The following ZSCAN2 variants were observed in gnomAD, a reference collection of about 807,000 sequenced individuals.
The protein encoded by ZSCAN2 is zinc finger and SCAN domain containing 2.
Under a neutral mutation model 47.8 loss-of-function variants are expected in ZSCAN2, and 26 were observed. The ratio of observed to expected loss-of-function variants is 0.54; its 90% CI spans 0.40 to 0.75. ZSCAN2 has a LOEUF of 0.75. ZSCAN2 is among the 30% of genes least tolerant of loss of function. The pLI is 0.00. For missense variants in ZSCAN2, 732 were observed against 785.4 expected (o/e 0.93, Z 0.81); for synonymous variants, 305 against 288.7 (o/e 1.06, Z -0.57).
chr15:84,609,591 T>A (rs991725535), intron 2 of ZSCAN2, among the ~76,000 whole-genome samples: 9 of 152,226 alleles, frequency 5.9e-5, no homozygotes, highest in Non-Finnish European at 8.8e-5. Flanking sequence ...TTCATGTATT[T>A]CACCTGATAA....
rs754901664 is a variant in ZSCAN2, at chr15:84,604,015, G to T, written c.88G>T (p.Val30Phe). The T allele has an allele frequency of 6.8e-6, 11 of 1,614,080 alleles. No individual in the cohort carries two copies. The highest frequency in any genetic ancestry group is 9.3e-6 in the Non-Finnish European group (11 of 1,180,018). The change falls in exon 2 of 3, where the codon GTC becomes TTC. Residue 30 changes from valine (V) to phenylalanine (F), a missense_variant. This residue lies in a region of ZSCAN2 where 320 missense variants were observed against 287.4 expected (regional missense o/e 1.11). Transcript: ENST00000546148. ...AGAGGAAGATAGACAGGAGGAGGAG[G>T]TCACCACCATGATCCTGGAGGATGA... ...PQEEDRQEEEVTTMILEDDSW... is the reference protein window; with the variant it reads ...PQEEDRQEEEFTTMILEDDSW...
At chr15:84,613,265 TTTTG>T (rs1321350960) in intron 2 of ZSCAN2, among the ~76,000 whole-genome samples, 1 of 152,236 alleles carries the variant, frequency 6.6e-6, no homozygotes, top group African/African-American at 2.4e-5. Flanking sequence ...GGAGTTTTTA[TTTTG>T]TTTATTTGGT....
At chr15:84,607,061 C>G (rs145583220) in intron 2 of ZSCAN2, among the ~76,000 whole-genome samples, 1 of 152,268 alleles carries the variant, frequency 6.6e-6, no homozygotes, top group Admixed American at 6.5e-5. Flanking sequence ...CTGACAGGAA[C>G]CTCTGGGCAC....
intron 2 of ZSCAN2, 71 bp from the exon 3 acceptor site, chr15:84,620,531 C>T: frequency 5.3e-6 from 7 of 1,331,750 alleles, no homozygotes; most frequent in South Asian, 4.4e-5. Flanking sequence ...TATAAATTTC[C>T]CCCTTCGTTT....
At chr15:84,605,961 G>C (rs1192356610) in intron 2 of ZSCAN2, among the ~76,000 whole-genome samples, 1 of 152,226 alleles carries the variant, frequency 6.6e-6, no homozygotes, top group Non-Finnish European at 1.5e-5. Context: ...ATGTGCCTTT[G>C]TACCAGGCAG....
chr15:84,620,767 G>A lies in ZSCAN2; in HGVS notation c.572G>A (p.Ser191Asn), dbSNP rs2044502. ...GGCATCCAGAGGCTCCAGGGACACA[G>A]CCCAGGTGAGGACCACGGGGAGGTG... ...DAGIQRLQGH[S>N]PGEDHGEVVS... The change falls in exon 3 of 3, where the codon AGC (serine) becomes AAC (asparagine). Residue 191 changes from serine (S) to asparagine (N), a missense_variant. By Grantham distance (46) the Ser-to-Asn change is conservative (BLOSUM62 1). Transcript: ENST00000546148. 2 of 1,614,000 alleles carry A rather than the reference G, an allele frequency of 1.2e-6. No homozygotes were observed. Among genetic ancestry groups the A allele is most frequent in the Non-Finnish European group, 8.5e-7 (1 of 1,180,034 alleles).
rs1895794280 is a variant in ZSCAN2, at chr15:84,620,660, A to C, written c.465A>C (p.Glu155Asp). ...GTAATCAAGACATGTTTGAGAATGA[A>C]TCACGTAAGATATTCTCGGAAATGC... ...ENCNQDMFEN[E>D]SRKIFSEMPE... is the part of the protein sequence containing the mutation. Residue 155 changes from glutamate (E) to aspartate (D), a missense_variant, in exon 3 of 3, where the codon GAA (glutamate) becomes GAC (aspartate). Glu to Asp is a conservative substitution (Grantham distance 45). Transcript: ENST00000546148. 15 of 1,613,938 alleles carry C rather than the reference A, an allele frequency of 9.3e-6. No homozygotes were observed. In the East Asian group the frequency reaches 3.3e-4, roughly 36 times the overall value.
intron 2 of ZSCAN2, among the ~76,000 whole-genome samples, chr15:84,604,894 C>A (rs757912689): frequency 6.6e-6 from 1 of 151,968 alleles, no homozygotes; most frequent in Non-Finnish European, 1.5e-5. Flanking sequence ...TGCGCCACCA[C>A]GCCCGGCTAA....
At position 84,617,056 on chromosome 15, in the gene ZSCAN2, A is replaced by G. The variant is rs993920955; in HGVS notation, c.407-3546A>G. ...AGAATTGCTTGAACCCGGGGAACAGAGGTTGCGGGGAGCCAGGATCGCGCC... is the reference window on the plus strand; with the variant it reads ...AGAATTGCTTGAACCCGGGGAACAGGGGTTGCGGGGAGCCAGGATCGCGCC... On this transcript the variant is annotated intron_variant, in intron 2 of 2. Coordinates refer to ENST00000546148, the MANE Select transcript of ZSCAN2 (RefSeq NM_181877.4). 2.6e-4 allele frequency among the ~76,000 whole-genome samples: 39 copies of G among 151,640 alleles called. 1 individual carries two copies. Among genetic ancestry groups the G allele is most frequent in the Non-Finnish European group, 3.2e-4 (22 of 67,952 alleles).
Position 84,604,180 on chromosome 15 carries a change from C to T in ZSCAN2, c.253C>T (p.Arg85Trp), listed in dbSNP as rs778975464. The T allele has an allele frequency of 2.5e-5, 40 of 1,613,476 alleles. No homozygotes were observed. The highest frequency in any genetic ancestry group is 3.3e-5 in the Admixed American group (2 of 59,926). The change falls in exon 2 of 3, where the codon CGG (arginine) becomes TGG (tryptophan). Residue 85 changes from arginine to tryptophan, a missense_variant. Physicochemically the swap from Arg to Trp is moderately radical, Grantham distance 101. Transcript: ENST00000546148. ...GALGRLRELC[R>W]RWLRPEVHTK... The stretch of plus-strand genomic sequence containing the variant: ...ACTCGGCCGCCTCCGAGAGCTCTGC[C>T]GGCGCTGGCTGAGACCAGAGGTACA...
intron 2 of ZSCAN2, among the ~76,000 whole-genome samples, chr15:84,609,552 G>T (rs1895485209): frequency 6.6e-6 from 1 of 152,174 alleles, no homozygotes; most frequent in African/African-American, 2.4e-5. Context: ...TTAGGGAGCG[G>T]TAACGTTATA....
intron 2 of ZSCAN2, among the ~76,000 whole-genome samples, chr15:84,615,718 C>G (rs1199861833): frequency 6.6e-6 from 1 of 152,112 alleles, no homozygotes; most frequent in African/African-American, 2.4e-5. Context: ...TTTTCCCATT[C>G]TTGGAATGGT....
chr15:84,606,277 A>T (rs1161503721), intron 2 of ZSCAN2: 1 of 442,702 alleles, frequency 2.3e-6, no homozygotes, highest in East Asian at 4.9e-5. Context: ...TGCCCTGGGC[A>T]CCTTCATGCT....
intron 1 of ZSCAN2, 118 bp downstream of exon 1, chr15:84,601,253 G>T (rs2141749508): frequency 6.6e-6 from 1 of 152,388 alleles, no homozygotes; most frequent in East Asian, 1.9e-4. Context: ...CGTCGGGGTC[G>T]CGCTCCGTAT....
In ZSCAN2 at chr15:84,623,671, T is replaced by C. The variant is rs1895861879; in HGVS notation, c.*1631T>C. 6.0e-6 allele frequency: 1 copy of C among 167,108 alleles called. No homozygotes were observed. Among genetic ancestry groups the C allele is most frequent in the Non-Finnish European group, 1.5e-5 (1 of 68,150 alleles). 10.4% of individuals were successfully genotyped at this position (167,108 alleles called of 1,614,324 possible). A position where few individuals can be genotyped will look rare whatever the true frequency, so the allele number is the denominator to read the frequency against. ...GTGCTCAGAATGGGCTTAGTTCTTA[T>C]AGGATGGATGCTCAGTATTCCTTAA... On this transcript the variant is annotated 3_prime_UTR_variant, in exon 3 of 3. Coordinates refer to ENST00000546148, the MANE Select transcript of ZSCAN2 (RefSeq NM_181877.4).
Position 84,622,043 on chromosome 15 carries a change from T to C in ZSCAN2, c.*3T>C. The C allele has an allele frequency of 6.3e-7, 1 of 1,589,996 alleles. No homozygotes were observed. The highest frequency in any genetic ancestry group is 8.6e-7 in the Non-Finnish European group (1 of 1,166,628). The stretch of plus-strand genomic sequence containing the variant: ...ACATGAAAGAGAAACTTTATTGAAG[T>C]GGCAAAGAGTGAAAGTGAGGGACTG... On this transcript the variant is annotated 3_prime_UTR_variant, in exon 3 of 3. Coordinates refer to ENST00000546148, the MANE Select transcript of ZSCAN2 (RefSeq NM_181877.4).
chr15:84,617,897 G>A (rs912799631), intron 2 of ZSCAN2, among the ~76,000 whole-genome samples: 16 of 152,108 alleles, frequency 1.1e-4, no homozygotes, highest in East Asian at 1.9e-4. Context: ...CTGCGATCTC[G>A]CTACTGTACT....
chr15:84,622,773 T>C lies in ZSCAN2; in HGVS notation c.*733T>C, dbSNP rs1484847233. ...AAACCGAGGACATTTCAGTGCTTGC[T>C]TTTGTCTCTGCCTACTGTCCTGTGG... On this transcript the variant is annotated 3_prime_UTR_variant, in exon 3 of 3. Coordinates refer to ENST00000546148, the MANE Select transcript of ZSCAN2 (RefSeq NM_181877.4). The C allele has an allele frequency of 2.9e-6, 2 of 692,106 alleles. No individual in the cohort carries two copies. The highest frequency in any genetic ancestry group is 5.3e-6 in the Non-Finnish European group (2 of 374,306). The allele number at this position is 692,106 out of a possible 1,614,324, so 42.9% of individuals were successfully genotyped here.
chr15:84,617,852 G>A (rs962839985), intron 2 of ZSCAN2, among the ~76,000 whole-genome samples: 1 of 151,916 alleles, frequency 6.6e-6, no homozygotes, highest in Non-Finnish European at 1.5e-5. Context: ...AGGTGGGAGC[G>A]TCACCTGAGC....
Sources: allele counts gnomAD v4.1 joint callset (sites outside exome capture counted in the v4.1 genomes callset), GRCh38; gene constraint gnomAD v4.1.1; regional missense constraint gnomAD v4.1.1; transcripts MANE v1.5; gene names NCBI Gene and HGNC (gene_info 2026-07-23, HGNC 2026-07-21).